The following PDE8A variants were observed in gnomAD, a reference collection of about 807,000 sequenced individuals.
The protein encoded by PDE8A is phosphodiesterase 8A, also known as high affinity cAMP-specific and IBMX-insensitive 3',5'-cyclic phosphodiesterase 8A.
Under a neutral mutation model 105.0 loss-of-function variants are expected in PDE8A, and 59 were observed. The observed-to-expected ratio is 0.56, with a 90% CI of 0.46 to 0.70. The LOEUF (loss-of-function observed/expected upper bound fraction) is 0.70. Ranked by LOEUF, PDE8A falls within the 30% of genes least tolerant of loss-of-function variation. PDE8A has a pLI of 0.00. For synonymous variants in PDE8A, 355 were observed against 371.9 expected, an observed-to-expected ratio of 0.95 and a Z score of 0.52; for missense variants, 1,014 against 1,045.9, an observed-to-expected ratio of 0.97 and a Z score of 0.42.
intron 1 of PDE8A, among the ~76,000 whole-genome samples, chr15:85,043,677 G>GT (rs1160203470): frequency 1.7e-5 from 2 of 119,218 alleles, no homozygotes; most frequent in Non-Finnish European, 3.5e-5. Context: ...GAAATTAATG[G>GT]TTTTTTGTTT....
intron 6 of PDE8A, 94 bp downstream of exon 6, chr15:85,083,738 C>T: frequency 1.3e-6 from 1 of 777,828 alleles, no homozygotes; most frequent in Admixed American, 2.0e-5. Context: ...GAAATGGCCT[C>T]TTGCAGAAAT....
chr15:85,011,760 A>G (rs1411548744), intron 1 of PDE8A, among the ~76,000 whole-genome samples: 3 of 152,316 alleles, frequency 2.0e-5, no homozygotes, highest in East Asian at 3.9e-4. Context: ...TGAACAGGCA[A>G]CCTACAAAAT....
At chr15:85,094,006 T>C (rs2081696909) in intron 8 of PDE8A, among the ~76,000 whole-genome samples, 1 of 152,046 alleles carries the variant, frequency 6.6e-6, no homozygotes, top group Non-Finnish European at 1.5e-5. Flanking sequence ...ACCACACGTG[T>C]CTACCATCAC....
intron 1 of PDE8A, among the ~76,000 whole-genome samples, chr15:85,017,471 A>G (rs2080345500): frequency 6.6e-6 from 1 of 151,996 alleles, no homozygotes; most frequent in African/African-American, 2.4e-5. Context: ...TAGTATCTTT[A>G]ATACAGTGTT....
rs557926829 is a variant in PDE8A at position 85,010,404 on chromosome 15, G to A, written c.186+28056G>A. On this transcript the variant is annotated intron_variant, in intron 1 of 21. Coordinates refer to ENST00000394553, the MANE Select transcript of PDE8A (RefSeq NM_002605.3). ...TCTCAAACAGTTTGACTTCCTTTTT[G>A]CAAAATAATACTCATCATTTTGGAA... Among the ~76,000 whole-genome samples the A allele has an allele frequency of 5.3e-5, 8 of 152,150 alleles. No homozygotes were observed. The South Asian group carries it at 1.7e-3, about 32-fold the overall frequency.
At chr15:85,099,900 C>T in intron 9 of PDE8A, 115 bp from the exon 10 acceptor site, 1 of 769,686 alleles carries the variant, frequency 1.3e-6, no homozygotes, top group Non-Finnish European at 2.2e-6. Flanking sequence ...GAAATGTTCT[C>T]AGAGCGTTTT....
intron 1 of PDE8A, among the ~76,000 whole-genome samples, chr15:85,008,605 G>T (rs928638955): frequency 6.6e-6 from 1 of 151,960 alleles, no homozygotes; most frequent in Non-Finnish European, 1.5e-5. Context: ...CCTTATCCTG[G>T]CTACCTGCCA....
intron 1 of PDE8A, among the ~76,000 whole-genome samples, chr15:85,058,045 A>G (rs997397552): frequency 7.9e-5 from 12 of 151,936 alleles, no homozygotes; most frequent in African/African-American, 2.7e-4. Flanking sequence ...TTTGAGATAG[A>G]GTCTCACTTT....
At chr15:85,030,646 A>G (rs180775903) in intron 1 of PDE8A, among the ~76,000 whole-genome samples, 3 of 152,260 alleles carry the variant, frequency 2.0e-5, no homozygotes, top group African/African-American at 7.2e-5. Flanking sequence ...CCTCCATTTC[A>G]ACCATACTTA....
chr15:85,137,317 G>A (rs2082426929), intron 21 of PDE8A, among the ~76,000 whole-genome samples: 1 of 152,170 alleles, frequency 6.6e-6, no homozygotes, highest in Admixed American at 6.5e-5. Flanking sequence ...ATACTCTGCA[G>A]CTCACTGCTT....
At chr15:85,098,349 C>T (rs2081795973) in intron 9 of PDE8A, among the ~76,000 whole-genome samples, 1 of 152,140 alleles carries the variant, frequency 6.6e-6, no homozygotes, top group African/African-American at 2.4e-5. Flanking sequence ...GGTAGACTCC[C>T]TATATTGAAA....
intron 11 of PDE8A, among the ~76,000 whole-genome samples, chr15:85,102,566 C>T (rs1056403875): frequency 4.0e-5 from 6 of 151,192 alleles, no homozygotes; most frequent in Admixed American, 2.0e-4. Context: ...TAGGGCTGGA[C>T]GCAGTGGCTC....
chr15:85,020,957 C>T (rs745765652), intron 1 of PDE8A, among the ~76,000 whole-genome samples: 1 of 152,132 alleles, frequency 6.6e-6, no homozygotes, highest in Non-Finnish European at 1.5e-5. Flanking sequence ...CCACTAATTT[C>T]CTTTGTAGCT....
chr15:85,132,761 A>G (rs1376563822), intron 20 of PDE8A, among the ~76,000 whole-genome samples: 1 of 152,044 alleles, frequency 6.6e-6, no homozygotes, highest in African/African-American at 2.4e-5. Flanking sequence ...CTGGCTTGTT[A>G]GGTTACTTTT....
intron 1 of PDE8A, among the ~76,000 whole-genome samples, chr15:85,020,903 ATT>A (rs1252438072): frequency 6.6e-6 from 1 of 152,200 alleles, no homozygotes; most frequent in African/African-American, 2.4e-5. Context: ...TCAAATTAAC[ATT>A]GTTACAGTAT....
intron 6 of PDE8A, among the ~76,000 whole-genome samples, chr15:85,084,904 A>T (rs1052415338): frequency 4.0e-5 from 6 of 149,376 alleles, no homozygotes; most frequent in African/African-American, 7.7e-5. Context: ...ACCAAGTCCA[A>T]TTGATCTTAC....
chr15:85,108,109 G>A (rs557258721), intron 11 of PDE8A, among the ~76,000 whole-genome samples: 12 of 152,302 alleles, frequency 7.9e-5, no homozygotes, highest in South Asian at 6.2e-4. Flanking sequence ...AAAGGAGGTC[G>A]TTGGTGACCT....
rs141117611 is a variant in PDE8A, at chr15:85,041,935, G to C, written c.187-22435G>C. Reference sequence around the variant, plus strand: ...TATATACTTACCTCTCGTTCCAGTAGTTTCTCCTCTGAAACCCCAAGTTCC... The same window carrying C: ...TATATACTTACCTCTCGTTCCAGTACTTTCTCCTCTGAAACCCCAAGTTCC... On this transcript the variant is annotated intron_variant, in intron 1 of 21. Transcript: ENST00000394553. Among the ~76,000 whole-genome samples, 619 of 152,182 alleles carry C rather than the reference G, an allele frequency of 4.1e-3. 1 individual carries two copies. Among genetic ancestry groups the C allele is most frequent in the African/African-American group, 0.013 (557 of 41,514 alleles).
At chr15:85,136,024 T>A (rs1448599929) in intron 20 of PDE8A, among the ~76,000 whole-genome samples, 1 of 151,938 alleles carries the variant, frequency 6.6e-6, no homozygotes, top group Non-Finnish European at 1.5e-5. Context: ...GTGATAGGAG[T>A]GAGAAAAGAA....
Sources: gnomAD v4.1 joint callset for allele counts (sites outside exome capture counted in the v4.1 genomes callset) on GRCh38, gnomAD v4.1.1 for gene constraint, MANE v1.5 for transcripts, NCBI Gene and HGNC (gene_info 2026-07-23, HGNC 2026-07-21) for gene names.